HINT1: variants seen among roughly 807,000 people sequenced by gnomAD.
HINT1 encodes adenosine 5'-monophosphoramidase HINT1.
HINT1 carries 12 observed loss-of-function variants against 11.2 expected under a neutral mutation model. That is an observed-to-expected ratio of 1.07 (90% CI 0.69 to 1.74). The LOEUF (loss-of-function observed/expected upper bound fraction) is 1.74, where lower values mean the gene tolerates loss of function less well. Ranked by LOEUF, HINT1 falls within the 40% of genes most tolerant of loss-of-function variation. The probability of loss-of-function intolerance (pLI) is 0.00; values close to 1 mark genes in which losing one functional copy is unlikely to be tolerated. For synonymous variants in HINT1, 42 were observed against 52.6 expected (o/e 0.80, Z 0.87); for missense variants, 150 against 161.8 (o/e 0.93, Z 0.40).
intron 2 of HINT1, 73 bp downstream of exon 2, chr5:131,162,499 C>T (rs1376808943): frequency 6.3e-7 from 1 of 1,597,286 alleles, no homozygotes; most frequent in East Asian, 2.3e-5. Flanking sequence ...GAAAATGTGA[C>T]AGCACTTTAA....
At position 131,159,399 on chromosome 5, in the gene HINT1, CTAACT is replaced by C; in HGVS notation, c.*43_*47del. 6.4e-7 allele frequency: 1 copy of C among 1,562,044 alleles called. No individual in the cohort carries two copies. Among genetic ancestry groups the C allele is most frequent in the Non-Finnish European group, 8.7e-7 (1 of 1,144,182 alleles). On this transcript the variant is annotated 3_prime_UTR_variant, in exon 3 of 3. Coordinates refer to ENST00000304043, the MANE Select transcript of HINT1 (RefSeq NM_005340.7). ...TGTTACTTAACATACTGGAAATTGC[CTAACT>C]TAATCATTGCCTAAAGAAGAGAAAA...
intron 1 of HINT1, 152 bp from the exon 2 acceptor site, chr5:131,162,828 T>G: frequency 1.7e-6 from 1 of 588,410 alleles, no homozygotes; most frequent in South Asian, 2.3e-5. Context: ...GGTGCCGTGG[T>G]CCTTTCCATG....
chr5:131,159,712 T>C, intron 2 of HINT1, 101 bp from the exon 3 acceptor site: 1 of 1,094,568 alleles, frequency 9.1e-7, no homozygotes, highest in Non-Finnish European at 1.3e-6. Context: ...AAAACTCTCA[T>C]TGAAACACAA....
chr5:131,163,272 C>T (rs571181608), intron 1 of HINT1, among the ~76,000 whole-genome samples: 228 of 152,342 alleles, frequency 1.5e-3, no homozygotes, highest in African/African-American at 5.4e-3. Context: ...AACTCTGAGG[C>T]AGTGACATTT....
chr5:131,159,612 C>G lies in HINT1; in HGVS notation c.217-1G>C. The G allele has an allele frequency of 6.2e-7, 1 of 1,602,852 alleles. No individual in the cohort carries two copies. Among genetic ancestry groups the G allele is most frequent in the Non-Finnish European group, 8.5e-7 (1 of 1,174,424 alleles). ...CAACAATCATTAAGTGTCCAAGAAG[C>G]TGGAAAAGGAAAAAAAGTTTCTTAG... On this transcript the variant is annotated splice_acceptor_variant, in intron 2 of 2. Coordinates refer to ENST00000304043, the MANE Select transcript of HINT1 (RefSeq NM_005340.7). LOFTEE classifies it high-confidence loss of function.
intron 1 of HINT1, among the ~76,000 whole-genome samples, chr5:131,164,482 G>A (rs1755338881): frequency 6.6e-6 from 1 of 152,212 alleles, no homozygotes; most frequent in Admixed American, 6.5e-5. Flanking sequence ...GCTAGCCCAG[G>A]GTAGGCCTTG....
intron 1 of HINT1, among the ~76,000 whole-genome samples, chr5:131,164,113 G>A (rs891470791): frequency 6.6e-6 from 1 of 151,702 alleles, no homozygotes. Context: ...GAATCTAACC[G>A]ACATTAGTAG....
At chr5:131,162,399 C>T (rs1192801393) in intron 2 of HINT1, 173 bp downstream of exon 2, 1 of 1,344,042 alleles carries the variant, frequency 7.4e-7, no homozygotes, top group South Asian at 1.2e-5. Flanking sequence ...TGGTGGGATA[C>T]AAAATGATGC....
At chr5:131,159,941 T>G (rs1305585300) in intron 2 of HINT1, among the ~76,000 whole-genome samples, 1 of 152,114 alleles carries the variant, frequency 6.6e-6, no homozygotes, top group African/African-American at 2.4e-5. Context: ...AGCCTCGACC[T>G]CCCAGGTTGA....
chr5:131,161,534 G>C (rs1755247361), intron 2 of HINT1, among the ~76,000 whole-genome samples: 1 of 151,482 alleles, frequency 6.6e-6, no homozygotes, highest in African/African-American at 2.4e-5. Flanking sequence ...GGCAGAGGTT[G>C]CGGTGAGCCG....
Position 131,165,190 on chromosome 5 carries a change from C to T in HINT1, c.16G>A (p.Ala6Thr), listed in dbSNP as rs1289495858. 2.5e-6 allele frequency: 4 copies of T among 1,608,472 alleles called. No individual in the cohort carries two copies. The highest frequency in any genetic ancestry group is 3.4e-6 in the Non-Finnish European group (4 of 1,179,888). Reference sequence around the variant, plus strand: ...CCAGGCCGAGCGACCTGAGCCTTGGCAATCTCATCTGCCATCTCGGCCTCT... The same window carrying T: ...CCAGGCCGAGCGACCTGAGCCTTGGTAATCTCATCTGCCATCTCGGCCTCT... MADEIAKAQVARPGGD... is the reference protein window; with the variant it reads MADEITKAQVARPGGD... The change falls in exon 1 of 3, where the codon GCC becomes ACC. Residue 6 changes from alanine to threonine, a missense_variant. Ala to Thr is a moderately conservative substitution (Grantham distance 58, BLOSUM62 0). Transcript: ENST00000304043.
chr5:131,162,421 A>G, intron 2 of HINT1, 151 bp downstream of exon 2: 1 of 1,516,272 alleles, frequency 6.6e-7, no homozygotes, highest in Non-Finnish European at 8.9e-7. Context: ...GTAACTTTGG[A>G]AAACAGCTGG....
chr5:131,160,791 T>C (rs1755229857), intron 2 of HINT1: 1 of 522,316 alleles, frequency 1.9e-6, no homozygotes, highest in Non-Finnish European at 3.5e-6. Flanking sequence ...ATTCTGATCC[T>C]TTTCCAGACT....
At chr5:131,162,038 A>G (rs1002701183) in intron 2 of HINT1, 4 of 189,908 alleles carry the variant, frequency 2.1e-5, no homozygotes, top group Admixed American at 1.1e-4. Flanking sequence ...CTTTAAGAAT[A>G]TAATAGGCCA....
chr5:131,165,043 C>A, intron 1 of HINT1, 52 bp downstream of exon 1: 1 of 1,610,600 alleles, frequency 6.2e-7, no homozygotes, highest in Non-Finnish European at 8.5e-7. Context: ...ACCCGAGGAT[C>A]CGCGGACGAT....
rs576514749 is a variant in HINT1 at position 131,159,323 on chromosome 5, C to T, written c.*124G>A. 2.7e-5 allele frequency: 19 copies of T among 704,186 alleles called. No homozygotes were observed. The South Asian group carries it at 2.7e-4, about 10-fold the overall frequency. 43.6% of individuals were successfully genotyped at this position (704,186 alleles called of 1,614,324 possible). ...GCAACAATGTCTTTTATTATGTATGCGGTTTTAAAATTATTTCTTGAATCT... is the reference window on the plus strand; with the variant it reads ...GCAACAATGTCTTTTATTATGTATGTGGTTTTAAAATTATTTCTTGAATCT... On this transcript the variant is annotated 3_prime_UTR_variant, in exon 3 of 3. Coordinates refer to ENST00000304043, the MANE Select transcript of HINT1 (RefSeq NM_005340.7).
intron 2 of HINT1, chr5:131,162,318 C>CAAA (rs58181774): frequency 4.3e-4 from 251 of 587,216 alleles, no homozygotes; most frequent in African/African-American, 2.2e-3. Flanking sequence ...GACTCTGTCT[C>CAAA]AAAAAAAAAA....
chr5:131,163,390 C>T (rs1755306213), intron 1 of HINT1, among the ~76,000 whole-genome samples: 1 of 152,142 alleles, frequency 6.6e-6, no homozygotes, highest in South Asian at 2.1e-4. Context: ...GCTCTCTGCC[C>T]TCAGAGCTTT....
chr5:131,159,735 A>C, intron 2 of HINT1, 124 bp from the exon 3 acceptor site: 1 of 838,660 alleles, frequency 1.2e-6, no homozygotes, highest in Non-Finnish European at 1.8e-6. Context: ...CTTTGAGCAA[A>C]TATTTGGAAA....
Sources: allele counts gnomAD v4.1 joint callset (sites outside exome capture counted in the v4.1 genomes callset), GRCh38; gene constraint gnomAD v4.1.1; transcripts MANE v1.5; gene names NCBI Gene and HGNC (gene_info 2026-07-23, HGNC 2026-07-21).